The following CAST variants were observed in gnomAD, a reference collection of about 807,000 sequenced individuals.
CAST encodes MIR583 host.
A neutral mutation model predicts 119.6 loss-of-function variants in CAST; 76 were observed. The observed-to-expected ratio is 0.64, with a 90% CI of 0.53 to 0.77. The LOEUF is 0.77. Ranked by LOEUF, CAST falls within the 30% of genes least tolerant of loss-of-function variation. CAST has a pLI of 0.00. For synonymous variants in CAST, 319 were observed against 331.6 expected (o/e 0.96, Z 0.41); for missense variants, 953 against 946.5 (o/e 1.01, Z -0.09).
chr5:96,007,580 C>T, the CAST span, among the ~76,000 whole-genome samples: 98 of 152,176 alleles, frequency 6.4e-4, 1 homozygote, highest in African/African-American at 1.1e-3. Flanking sequence ...GTGGGGCTCT[C>T]GTGACGCGAT....
chr5:96,111,117 C>G, the CAST span: 3 of 152,166 alleles, frequency 2.0e-5, no homozygotes, highest in African/African-American at 7.2e-5. Flanking sequence ...GACCTGGCTA[C>G]GTGGACCCCT....
At chr5:96,047,247 A>T in the CAST span, among the ~76,000 whole-genome samples, 8 of 152,164 alleles carry the variant, frequency 5.3e-5, no homozygotes, top group Non-Finnish European at 8.8e-5. Context: ...TTTAAAAATT[A>T]AATAGGTTTT....
At chr5:96,175,595 G>A in the CAST span, among the ~76,000 whole-genome samples, 1 of 152,176 alleles carries the variant, frequency 6.6e-6, no homozygotes, top group Non-Finnish European at 1.5e-5. Flanking sequence ...ATTAATTGGG[G>A]TAACTTTACA....
chr5:96,513,100 C>T, the CAST span, among the ~76,000 whole-genome samples: 1 of 152,126 alleles, frequency 6.6e-6, no homozygotes, highest in Non-Finnish European at 1.5e-5. Flanking sequence ...ATTCTCGGGT[C>T]CTGATTATCA....
At chr5:96,018,459 A>C in the CAST span, among the ~76,000 whole-genome samples, 2 of 152,160 alleles carry the variant, frequency 1.3e-5, no homozygotes, top group African/African-American at 4.8e-5. Context: ...TTATTTTCTA[A>C]AAGGGGTTCC....
At chr5:96,029,718 A>G in the CAST span, among the ~76,000 whole-genome samples, 1 of 152,146 alleles carries the variant, frequency 6.6e-6, no homozygotes, top group African/African-American at 2.4e-5. Context: ...GTCTTAAGAG[A>G]TTGTGGAACT....
At chr5:96,366,693 A>G in the CAST span, among the ~76,000 whole-genome samples, 1 of 152,100 alleles carries the variant, frequency 6.6e-6, no homozygotes, top group East Asian at 1.9e-4. Context: ...TCATTTAAGT[A>G]CTTCTCTACA....
the CAST span, among the ~76,000 whole-genome samples, chr5:96,309,592 T>A: frequency 6.6e-6 from 1 of 152,152 alleles, no homozygotes; most frequent in African/African-American, 2.4e-5. Flanking sequence ...ATAGGCACCG[T>A]AGGGAATCTC....
the CAST span, among the ~76,000 whole-genome samples, chr5:96,253,997 A>G: frequency 6.6e-6 from 1 of 151,056 alleles, no homozygotes; most frequent in Non-Finnish European, 1.5e-5. Flanking sequence ...TTCTTTTGGC[A>G]AGTCACAGAC....
At chr5:96,243,316 T>G in the CAST span, among the ~76,000 whole-genome samples, 4 of 152,146 alleles carry the variant, frequency 2.6e-5, no homozygotes, top group African/African-American at 9.6e-5. Flanking sequence ...AGAATTTTTT[T>G]TTTTTTTTAC....
At chr5:96,519,428 A>G in the CAST span, among the ~76,000 whole-genome samples, 2 of 152,160 alleles carry the variant, frequency 1.3e-5, no homozygotes, top group Non-Finnish European at 2.9e-5. Flanking sequence ...GGCTTGTGTA[A>G]ATCAAATTGC....
chr5:96,561,665 A>G (rs1561417069), intron 1 of CAST, among the ~76,000 whole-genome samples: 1 of 152,090 alleles, frequency 6.6e-6, no homozygotes, highest in Non-Finnish European at 1.5e-5. Flanking sequence ...TACATATGTA[A>G]CAAAACTGCA....
intron 2 of CAST, among the ~76,000 whole-genome samples, chr5:96,688,735 T>G (rs111372558): frequency 5.9e-5 from 9 of 152,350 alleles, no homozygotes; most frequent in African/African-American, 2.2e-4. Flanking sequence ...TTTAAGTAAT[T>G]ATTATTTCTT....
the CAST span, among the ~76,000 whole-genome samples, chr5:96,409,935 G>A: frequency 6.6e-6 from 1 of 152,106 alleles, no homozygotes; most frequent in Non-Finnish European, 1.5e-5. Flanking sequence ...CCATTAATAG[G>A]AATCTTGCAC....
the CAST span, among the ~76,000 whole-genome samples, chr5:96,208,017 G>A: frequency 0.098 from 14,909 of 151,860 alleles, 892 homozygotes; most frequent in East Asian, 0.22. Context: ...TCCTGGTTCA[G>A]TTTGGGAAGT....
chr5:96,427,885 C>T, the CAST span, among the ~76,000 whole-genome samples: 188 of 152,234 alleles, frequency 1.2e-3, no homozygotes, highest in African/African-American at 4.3e-3. Flanking sequence ...CACGATGAGC[C>T]CTCTCCCTTG....
chr5:96,633,259 G>A (rs985420155), intron 1 of CAST, among the ~76,000 whole-genome samples: 3 of 152,166 alleles, frequency 2.0e-5, no homozygotes, highest in Non-Finnish European at 4.4e-5. Flanking sequence ...TTACAGGCAT[G>A]AGCCACTGCT....
chr5:96,126,257 G>GA, the CAST span, among the ~76,000 whole-genome samples: 10 of 151,690 alleles, frequency 6.6e-5, no homozygotes, highest in Admixed American at 2.0e-4. Context: ...TGGGACTTCT[G>GA]AAAAAAAATG....
chr5:96,311,734 A>G, the CAST span, among the ~76,000 whole-genome samples: 1,852 of 152,084 alleles, frequency 0.012, 34 homozygotes, highest in African/African-American at 0.042. Context: ...TAGAAAACAA[A>G]AATTCTTTTT....
Sources: gnomAD v4.1 joint callset for allele counts (sites outside exome capture counted in the v4.1 genomes callset) on GRCh38, gnomAD v4.1.1 for gene constraint, MANE v1.5 for transcripts, NCBI Gene and HGNC (gene_info 2026-07-23, HGNC 2026-07-21) for gene names.